TTI1: variants seen among roughly 807,000 people sequenced by gnomAD.
TTI1 encodes TELO2-interacting protein 1 homolog.
A neutral mutation model predicts 85.4 loss-of-function variants in TTI1; 52 were observed. That is an observed-to-expected ratio of 0.61 (90% CI 0.49 to 0.77). TTI1 has a LOEUF of 0.77. Ranked by LOEUF, TTI1 falls within the 30% of genes least tolerant of loss-of-function variation. TTI1 has a pLI of 0.00. For missense variants in TTI1, 1,173 were observed against 1,296.0 expected (o/e 0.91, Z 1.46); for synonymous variants, 512 against 503.9 (o/e 1.02, Z -0.22).
At chr20:38,009,046 G>A (rs762869757) in intron 2 of TTI1, among the ~76,000 whole-genome samples, 1 of 151,778 alleles carries the variant, frequency 6.6e-6, no homozygotes, top group Non-Finnish European at 1.5e-5. Flanking sequence ...AGAGATGACC[G>A]AAGACATCAG....
At position 37,983,147 on chromosome 20, in the gene TTI1, C is replaced by G. The variant is rs951602269; in HGVS notation, c.*309G>C. On this transcript the variant is annotated 3_prime_UTR_variant, in exon 8 of 8. Transcript: ENST00000373447. ...TATGCAGATGGAGGGGAACTGACCT[C>G]TTGTGTGTGTGTGTGTGTGGCCTGT... is the stretch of plus-strand genomic sequence containing the variant. 5.3e-5 allele frequency: 14 copies of G among 261,882 alleles called. No homozygotes were observed. The Admixed American group carries it at 6.7e-4, about 13-fold the overall frequency. 16.2% of individuals were successfully genotyped at this position (261,882 alleles called of 1,614,324 possible). A position where few individuals can be genotyped will look rare whatever the true frequency, so the allele number is the denominator to read the frequency against.
In TTI1 at chr20:38,013,549, G is replaced by A. The variant is rs780457553; in HGVS notation, c.268C>T (p.Gln90Ter). 8 of 1,614,186 alleles carry A rather than the reference G, an allele frequency of 5.0e-6. No individual in the cohort carries two copies. Among genetic ancestry groups the A allele is most frequent in the East Asian group, 2.2e-5 (1 of 44,880 alleles). Residue 90 changes from glutamine to a stop codon, truncating the protein, a stop_gained, in exon 2 of 8, where the codon CAG becomes TAG. Coordinates refer to ENST00000373447, the MANE Select transcript of TTI1 (RefSeq NM_001303457.2). LOFTEE classifies it high-confidence loss of function. ...FVLSSTCVKE[Q>*]ELLQELFSEL... ...GAAAAGAGTTCCTGGAGAAGCTCCT[G>A]TTCTTTCACACATGTTGAAGAAAGG...
intron 2 of TTI1, among the ~76,000 whole-genome samples, chr20:38,006,954 G>C (rs1272126728): frequency 6.6e-6 from 1 of 152,042 alleles, no homozygotes; most frequent in Non-Finnish European, 1.5e-5. Context: ...AGCTCTAACT[G>C]CAATCATTTT....
At chr20:37,998,657 C>A (rs558382435) in intron 5 of TTI1, among the ~76,000 whole-genome samples, 5 of 152,314 alleles carry the variant, frequency 3.3e-5, no homozygotes, top group African/African-American at 9.6e-5. Context: ...TTATCCCTGA[C>A]AACACTATGA....
intron 1 of TTI1, among the ~76,000 whole-genome samples, chr20:38,022,011 G>A (rs1049804515): frequency 6.6e-6 from 1 of 152,318 alleles, no homozygotes; most frequent in African/African-American, 2.4e-5. Context: ...AAGGATCTGT[G>A]TTGAGCTGGG....
intron 1 of TTI1, among the ~76,000 whole-genome samples, chr20:38,026,118 T>C (rs1222826626): frequency 6.6e-6 from 1 of 152,118 alleles, no homozygotes; most frequent in East Asian, 1.9e-4. Flanking sequence ...ACAAAAAATA[T>C]TGAAAGCATC....
At chr20:38,009,095 A>G (rs968605422) in intron 2 of TTI1, among the ~76,000 whole-genome samples, 4 of 152,166 alleles carry the variant, frequency 2.6e-5, no homozygotes, top group Non-Finnish European at 5.9e-5. Flanking sequence ...CCAAATTCAG[A>G]TACCTCTTGA....
chr20:38,011,839 C>A lies in TTI1; in HGVS notation c.1978G>T (p.Ala660Ser), dbSNP rs370672966. The change falls in exon 2 of 8, where the codon GCT becomes TCT. Residue 660 changes from alanine to serine, a missense_variant. By Grantham distance (99) the Ala-to-Ser change is moderately conservative (BLOSUM62 1). Transcript: ENST00000373447. Reference sequence around the variant, plus strand: ...CTAATGAGTAGGGTTTGGTCTCCAGCCTTCTCCAGTACTGGATAAAGGGCT... The same window carrying A: ...CTAATGAGTAGGGTTTGGTCTCCAGACTTCTCCAGTACTGGATAAAGGGCT... ...MSALYPVLEK[A>S]GDQTLLISQV... 2.5e-6 allele frequency: 4 copies of A among 1,614,104 alleles called. No individual in the cohort carries two copies. In the African/African-American group the frequency reaches 5.3e-5, roughly 22 times the overall value.
chr20:38,025,606 C>T (rs528672923), intron 1 of TTI1, among the ~76,000 whole-genome samples: 1 of 151,680 alleles, frequency 6.6e-6, no homozygotes, highest in East Asian at 1.9e-4. Context: ...ACAATCAACA[C>T]ATGTCAACAC....
intron 1 of TTI1, among the ~76,000 whole-genome samples, chr20:38,031,883 A>G (rs1489502761): frequency 6.6e-6 from 1 of 152,216 alleles, no homozygotes; most frequent in Non-Finnish European, 1.5e-5. Flanking sequence ...CCTAAGACTG[A>G]TGTAAGAATT....
At chr20:38,027,290 TACA>T (rs2073848369) in intron 1 of TTI1, among the ~76,000 whole-genome samples, 2 of 152,366 alleles carry the variant, frequency 1.3e-5, no homozygotes, top group East Asian at 1.9e-4. Context: ...TCTAGATTAT[TACA>T]ACACCTAACA....
Position 38,006,398 on chromosome 20 carries a change from C to T in TTI1, c.2303-1G>A. ...TTACCTGTGTCTGGGAACCACTGGGCTGTAAATAAAGTGTTACAATGATCA... is the reference window on the plus strand; with the variant it reads ...TTACCTGTGTCTGGGAACCACTGGGTTGTAAATAAAGTGTTACAATGATCA... On this transcript the variant is annotated splice_acceptor_variant, in intron 2 of 7. Transcript: ENST00000373447. LOFTEE classifies it high-confidence loss of function. The T allele has an allele frequency of 1.2e-6, 2 of 1,614,124 alleles. No individual in the cohort carries two copies. Among genetic ancestry groups the T allele is most frequent in the Non-Finnish European group, 1.7e-6 (2 of 1,180,028 alleles).
intron 6 of TTI1, 131 bp downstream of exon 6, chr20:37,996,618 T>C (rs748484875): frequency 7.2e-6 from 10 of 1,398,598 alleles, no homozygotes; most frequent in Non-Finnish European, 8.9e-6. Flanking sequence ...AATGGACAAA[T>C]GAGGCCAAAA....
intron 1 of TTI1, among the ~76,000 whole-genome samples, chr20:38,029,516 GGTCAATAAA>G (rs942365585): frequency 7.9e-5 from 12 of 151,584 alleles, no homozygotes; most frequent in Non-Finnish European, 2.9e-5. Flanking sequence ...TCTTTGAAAA[GGTCAATAAA>G]ATTGACAAAC....
chr20:37,983,377 T>C lies in TTI1; in HGVS notation c.*79A>G. 1 of 1,467,384 alleles carries C rather than the reference T, an allele frequency of 6.8e-7. No individual in the cohort carries two copies. The highest frequency in any genetic ancestry group is 9.2e-7 in the Non-Finnish European group (1 of 1,091,482). The allele number at this position is 1,467,384 out of a possible 1,614,324, so 90.9% of individuals were successfully genotyped here. ...CTTCTCTGCTGCCGCTGCCACCGCC[T>C]ATGGCCGGGGTGGGGTCAGCCCAGC... On this transcript the variant is annotated 3_prime_UTR_variant, in exon 8 of 8. Coordinates refer to ENST00000373447, the MANE Select transcript of TTI1 (RefSeq NM_001303457.2).
In TTI1 at chr20:38,012,990, T is replaced by C. The variant is rs1419272394; in HGVS notation, c.827A>G (p.Glu276Gly). 5 of 1,613,916 alleles carry C rather than the reference T, an allele frequency of 3.1e-6. No individual in the cohort carries two copies. In the African/African-American group the frequency reaches 6.7e-5, roughly 22 times the overall value. ...HRVAELMVYR[E>G]ADWVKKTGDK... The stretch of plus-strand genomic sequence containing the variant: ...GCCAGTCTTTTTTACCCAATCTGCT[T>C]CCCTGTAAACCATCAGCTCTGCTAC... Residue 276 changes from glutamate (E) to glycine (G), a missense_variant, in exon 2 of 8, where the codon GAA becomes GGA. Physicochemically the swap from Glu to Gly is moderately conservative, Grantham distance 98. Transcript: ENST00000373447.
Position 38,013,454 on chromosome 20 carries a change from C to A in TTI1, c.363G>T (p.Leu121Phe), listed in dbSNP as rs190775847. 1 of 1,613,878 alleles carries A rather than the reference C, an allele frequency of 6.2e-7. No individual in the cohort carries two copies. Among genetic ancestry groups the A allele is most frequent in the South Asian group, 1.1e-5 (1 of 91,062 alleles). ...ATGTGCTAAGTCCCTGGATCACAGC[C>A]AATTTCAACTCCTCGGACACAGCCG... ...KPAAVSEELK[L>F]AVIQGLSTLM... The change falls in exon 2 of 8, where the codon TTG (leucine) becomes TTT (phenylalanine). Residue 121 changes from leucine (L) to phenylalanine (F), a missense_variant. Coordinates refer to ENST00000373447, the MANE Select transcript of TTI1 (RefSeq NM_001303457.2).
At chr20:37,996,304 T>G in intron 7 of TTI1, 71 bp downstream of exon 7, 1 of 1,534,376 alleles carries the variant, frequency 6.5e-7, no homozygotes, top group African/African-American at 1.4e-5. Context: ...GCCTCAACTC[T>G]GCTTGCCATT....
Position 38,013,312 on chromosome 20 carries a change from G to C in TTI1, c.505C>G (p.Gln169Glu), listed in dbSNP as rs749662945. The C allele has an allele frequency of 1.5e-5, 25 of 1,613,946 alleles. No individual in the cohort carries two copies. The highest frequency in any genetic ancestry group is 2.0e-5 in the Non-Finnish European group (24 of 1,180,032). ...LGLAEQEKSK[Q>E]IKIAALKCLQ... The stretch of plus-strand genomic sequence containing the variant: ...CATTTTAAGGCAGCAATTTTAATTT[G>C]CTTTGATTTCTCCTGTTCTGCAAGG... Residue 169 changes from glutamine (Q) to glutamate (E), a missense_variant, in exon 2 of 8, where the codon CAA becomes GAA. Gln to Glu is a conservative substitution (Grantham distance 29). Transcript: ENST00000373447.
Sources: gnomAD v4.1 joint callset for allele counts (sites outside exome capture counted in the v4.1 genomes callset) on GRCh38, gnomAD v4.1.1 for gene constraint, MANE v1.5 for transcripts, NCBI Gene and HGNC (gene_info 2026-07-23, HGNC 2026-07-21) for gene names.